Variants in CTNNA2 observed in about 807,000 individuals in gnomAD.
The protein encoded by CTNNA2 is catenin alpha 2, also known as catenin alpha-2.
In CTNNA2, 42 loss-of-function variants were observed where a neutral mutation model predicts 101.0. The ratio of observed to expected loss-of-function variants is 0.42; its 90% CI spans 0.32 to 0.54. CTNNA2 has a LOEUF of 0.54. CTNNA2 is among the 20% of genes least tolerant of loss of function. CTNNA2 has a pLI of 0.14. For missense variants in CTNNA2, 871 were observed against 1,223.1 expected, an observed-to-expected ratio of 0.71 and a Z score of 4.29; for synonymous variants, 450 against 456.4, an observed-to-expected ratio of 0.99 and a Z score of 0.18.
chr2:79,343,217 CAT>C (rs1009141484), intron 3 of CTNNA2, among the ~76,000 whole-genome samples: 1 of 151,806 alleles, frequency 6.6e-6, no homozygotes, highest in African/African-American at 2.4e-5. Context: ...AATTTAATGA[CAT>C]AGGAAATTTA....
intron 4 of CTNNA2, among the ~76,000 whole-genome samples, chr2:79,381,742 G>T (rs757072727): frequency 6.6e-6 from 1 of 152,168 alleles, no homozygotes; most frequent in Non-Finnish European, 1.5e-5. Context: ...ATCATTCAAA[G>T]CTCTCTGAGG....
intron 7 of CTNNA2, among the ~76,000 whole-genome samples, chr2:79,951,763 C>G (rs1466988135): frequency 6.6e-6 from 1 of 152,182 alleles, no homozygotes; most frequent in African/African-American, 2.4e-5. Flanking sequence ...TTCAAACTAT[C>G]CTACCCACAA....
chr2:80,454,978 T>C (rs111685026), intron 9 of CTNNA2, among the ~76,000 whole-genome samples: 34 of 152,352 alleles, frequency 2.2e-4, no homozygotes, highest in African/African-American at 7.7e-4. Context: ...CTTTTCACAA[T>C]TGAGGAGCCA....
At chr2:80,506,693 G>A (rs1270308644) in intron 9 of CTNNA2, among the ~76,000 whole-genome samples, 1 of 152,268 alleles carries the variant, frequency 6.6e-6, no homozygotes, top group South Asian at 2.1e-4. Flanking sequence ...CTGAAGGCAG[G>A]AGGCCAGTGA....
At chr2:79,862,518 A>G (rs1440275824) in intron 4 of CTNNA2, among the ~76,000 whole-genome samples, 1 of 152,206 alleles carries the variant, frequency 6.6e-6, no homozygotes, top group Non-Finnish European at 1.5e-5. Flanking sequence ...CTTGCCTCTC[A>G]TTATAACTGC....
At chr2:80,150,477 G>A (rs950040515) in intron 7 of CTNNA2, among the ~76,000 whole-genome samples, 5 of 152,120 alleles carry the variant, frequency 3.3e-5, no homozygotes, top group African/African-American at 1.2e-4. Flanking sequence ...AGATCACTGG[G>A]GTCAGATTGG....
chr2:79,638,095 T>G (rs996041300), intron 1 of CTNNA2, among the ~76,000 whole-genome samples: 2 of 152,210 alleles, frequency 1.3e-5, no homozygotes, highest in African/African-American at 4.8e-5. Flanking sequence ...GATAGCAACA[T>G]GAAACTATTG....
chr2:79,411,841 C>G (rs903606758), intron 4 of CTNNA2, among the ~76,000 whole-genome samples: 1 of 151,954 alleles, frequency 6.6e-6, no homozygotes, highest in Non-Finnish European at 1.5e-5. Flanking sequence ...CATCAACTAA[C>G]GAGCAAAATA....
At chr2:79,247,214 A>G (rs1484494078) in intron 2 of CTNNA2, among the ~76,000 whole-genome samples, 1 of 152,180 alleles carries the variant, frequency 6.6e-6, no homozygotes, top group Non-Finnish European at 1.5e-5. Flanking sequence ...CTCACTTCAT[A>G]TCGCTAGTTT....
At chr2:79,636,269 CAAAAAAAAAAAAAA>C (rs57739991) in intron 1 of CTNNA2, among the ~76,000 whole-genome samples, 4 of 67,260 alleles carry the variant, frequency 5.9e-5, no homozygotes, top group African/African-American at 9.4e-5. Context: ...GACTCTGTCT[CAAAAAAAAAAAAAA>C]AAAAAAAAAA....
At chr2:79,874,827 A>T (rs1171959619) in intron 6 of CTNNA2, among the ~76,000 whole-genome samples, 4 of 152,116 alleles carry the variant, frequency 2.6e-5, no homozygotes, top group Non-Finnish European at 5.9e-5. Flanking sequence ...AAGAAGAAAC[A>T]ACTGTATTTA....
chr2:80,150,623 A>G (rs56155157), intron 7 of CTNNA2, among the ~76,000 whole-genome samples: 1 of 152,224 alleles, frequency 6.6e-6, no homozygotes, highest in Middle Eastern at 3.2e-3. Context: ...AGAAGGGCTT[A>G]CAGTCTCTCA....
At chr2:80,003,613 G>A (rs147995561) in intron 7 of CTNNA2, among the ~76,000 whole-genome samples, 7 of 152,224 alleles carry the variant, frequency 4.6e-5, no homozygotes, top group Non-Finnish European at 8.8e-5. Flanking sequence ...CAAGTACGTG[G>A]AAGTGGTTAG....
chr2:80,390,237 C>G (rs1012258774), intron 7 of CTNNA2, among the ~76,000 whole-genome samples: 17 of 152,302 alleles, frequency 1.1e-4, no homozygotes, highest in Non-Finnish European at 2.2e-4. Flanking sequence ...TTCCCAAAGG[C>G]AACATCTTCT....
At chr2:80,023,950 G>A (rs1162765273) in intron 7 of CTNNA2, among the ~76,000 whole-genome samples, 2 of 152,048 alleles carry the variant, frequency 1.3e-5, no homozygotes, top group Non-Finnish European at 2.9e-5. Flanking sequence ...AGCCGGGCGT[G>A]GTGGTGGGCG....
At chr2:79,277,620 T>A (rs1348500290) in intron 2 of CTNNA2, among the ~76,000 whole-genome samples, 2 of 152,120 alleles carry the variant, frequency 1.3e-5, no homozygotes, top group Admixed American at 6.5e-5. Context: ...ATAGGTGTTA[T>A]AATCCTCATT....
intron 6 of CTNNA2, among the ~76,000 whole-genome samples, chr2:79,896,790 T>C (rs976619874): frequency 7.2e-5 from 11 of 152,266 alleles, no homozygotes; most frequent in Middle Eastern, 3.4e-3. Context: ...GAGTTAAAGA[T>C]CGTGTTTCCA....
At chr2:79,612,383 G>A (rs1262142306) in intron 1 of CTNNA2, among the ~76,000 whole-genome samples, 1 of 152,104 alleles carries the variant, frequency 6.6e-6, no homozygotes, top group African/African-American at 2.4e-5. Flanking sequence ...CCATGGCTTT[G>A]TTTTTGTTGG....
chr2:80,564,850 C>G (rs1214263064), intron 12 of CTNNA2, among the ~76,000 whole-genome samples: 1 of 152,052 alleles, frequency 6.6e-6, no homozygotes, highest in Non-Finnish European at 1.5e-5. Flanking sequence ...TGTTCTTGCT[C>G]CTGGATTCCA....
Sources: gnomAD v4.1 joint callset for allele counts (sites outside exome capture counted in the v4.1 genomes callset) on GRCh38, gnomAD v4.1.1 for gene constraint, MANE v1.5 for transcripts, NCBI Gene and HGNC (gene_info 2026-07-23, HGNC 2026-07-21) for gene names.